Variants in ZNF385D observed in about 807,000 individuals in gnomAD.
ZNF385D encodes the protein zinc finger protein 385D.
ZNF385D carries 15 observed loss-of-function variants against 35.8 expected under a neutral mutation model. The ratio of observed to expected loss-of-function variants is 0.42; its 90% CI spans 0.28 to 0.64. The LOEUF is 0.64. ZNF385D is among the 30% of genes least tolerant of loss of function. The pLI, the probability that ZNF385D is intolerant of heterozygous loss-of-function variation, is 0.23. For synonymous variants in ZNF385D, 212 were observed against 186.8 expected, an observed-to-expected ratio of 1.13 and a Z score of -1.10; for missense variants, 474 against 494.6, an observed-to-expected ratio of 0.96 and a Z score of 0.39.
intron 3 of ZNF385D, among the ~76,000 whole-genome samples, chr3:21,759,265 T>C (rs1050676378): frequency 6.6e-6 from 1 of 152,062 alleles, no homozygotes; most frequent in Non-Finnish European, 1.5e-5. Flanking sequence ...GTCTTTAATA[T>C]TGACCCGGAC....
chr3:22,035,691 G>C (rs193300436), intron 3 of ZNF385D, among the ~76,000 whole-genome samples: 53 of 152,230 alleles, frequency 3.5e-4, no homozygotes, highest in South Asian at 4.1e-4. Flanking sequence ...AAGACCCCTA[G>C]AAAACAAGCA....
chr3:21,859,110 A>G (rs1438466334), intron 3 of ZNF385D, among the ~76,000 whole-genome samples: 3 of 152,226 alleles, frequency 2.0e-5, no homozygotes, highest in Non-Finnish European at 2.9e-5. Context: ...TCTTTCAAGT[A>G]GAAATGCCAT....
chr3:22,198,727 GA>G (rs1474632175), intron 2 of ZNF385D, among the ~76,000 whole-genome samples: 1 of 152,012 alleles, frequency 6.6e-6, no homozygotes, highest in African/African-American at 2.4e-5. Context: ...CATGGTAAGT[GA>G]ACACACATTC....
Position 21,826,623 on chromosome 3 carries a change from C to T in ZNF385D, c.326-161595G>A, listed in dbSNP as rs1453983229. Reference sequence around the variant, plus strand: ...ACAGGAAAAGAAGCAAGGATGTGGTCAGAGACAGCAGCTATTTCACAGAGC... The same window carrying T: ...ACAGGAAAAGAAGCAAGGATGTGGTTAGAGACAGCAGCTATTTCACAGAGC... On this transcript the variant is annotated intron_variant, in intron 3 of 5. Coordinates refer to the ZNF385D transcript ENST00000494108. 2.6e-5 allele frequency among the ~76,000 whole-genome samples: 4 copies of T among 152,150 alleles called. No individual in the cohort carries two copies. In the East Asian group the frequency reaches 7.7e-4, roughly 29 times the overall value.
At chr3:21,552,851 T>G (rs1575161438) in intron 3 of ZNF385D, among the ~76,000 whole-genome samples, 1 of 152,302 alleles carries the variant, frequency 6.6e-6, no homozygotes, top group South Asian at 2.1e-4. Flanking sequence ...GGTTAGCAGA[T>G]AAAAATAAAG....
intron 2 of ZNF385D, among the ~76,000 whole-genome samples, chr3:22,326,856 T>G (rs1694702529): frequency 6.6e-6 from 1 of 152,206 alleles, no homozygotes; most frequent in African/African-American, 2.4e-5. Flanking sequence ...CTATTACTTA[T>G]TCACATTTAT....
intron 3 of ZNF385D, among the ~76,000 whole-genome samples, chr3:22,166,345 T>C (rs1288622696): frequency 6.6e-6 from 1 of 152,178 alleles, no homozygotes; most frequent in Non-Finnish European, 1.5e-5. Flanking sequence ...TATTAAAATT[T>C]TAATTTTTAA....
intron 3 of ZNF385D, among the ~76,000 whole-genome samples, chr3:21,879,213 GT>G (rs1335789776): frequency 6.6e-6 from 1 of 151,924 alleles, no homozygotes; most frequent in Non-Finnish European, 1.5e-5. Context: ...TGTTTGTCAT[GT>G]TCTTTAAGTA....
chr3:22,309,415 T>A (rs1293136982), intron 2 of ZNF385D, among the ~76,000 whole-genome samples: 1 of 152,116 alleles, frequency 6.6e-6, no homozygotes, highest in Non-Finnish European at 1.5e-5. Context: ...TAAGAAGGCA[T>A]GACCTTGTCC....
intron 3 of ZNF385D, among the ~76,000 whole-genome samples, chr3:22,147,901 C>T (rs976643958): frequency 1.3e-5 from 2 of 152,130 alleles, no homozygotes; most frequent in Non-Finnish European, 2.9e-5. Context: ...AACCTGGAAT[C>T]ATGAGCAATC....
chr3:21,703,416 G>C (rs2067770011), intron 1 of ZNF385D, among the ~76,000 whole-genome samples: 1 of 151,902 alleles, frequency 6.6e-6, no homozygotes, highest in South Asian at 2.1e-4. Flanking sequence ...ATTTGGGTGG[G>C]GACACAGCCA....
intron 2 of ZNF385D, among the ~76,000 whole-genome samples, chr3:22,202,982 T>G (rs1018799296): frequency 1.3e-5 from 2 of 152,082 alleles, no homozygotes; most frequent in Non-Finnish European, 2.9e-5. Context: ...TTGTAACTCC[T>G]AGGCAAATCC....
intron 2 of ZNF385D, among the ~76,000 whole-genome samples, chr3:22,367,668 G>A (rs1167566581): frequency 6.6e-6 from 1 of 152,010 alleles, no homozygotes; most frequent in Non-Finnish European, 1.5e-5. Context: ...TGAAAGAAAA[G>A]ATACATTTCA....
intron 4 of ZNF385D, among the ~76,000 whole-genome samples, chr3:21,509,718 T>A (rs1312944306): frequency 6.6e-6 from 1 of 152,068 alleles, no homozygotes; most frequent in Non-Finnish European, 1.5e-5. Flanking sequence ...CATACAAAGA[T>A]GAGACATGTA....
At chr3:21,793,344 C>G (rs1288910324) in intron 3 of ZNF385D, among the ~76,000 whole-genome samples, 1 of 152,110 alleles carries the variant, frequency 6.6e-6, no homozygotes, top group Non-Finnish European at 1.5e-5. Flanking sequence ...ATTTTATAAA[C>G]CAGAAAAGTC....
At chr3:21,914,300 AG>A (rs1186055700) in intron 3 of ZNF385D, among the ~76,000 whole-genome samples, 1 of 151,684 alleles carries the variant, frequency 6.6e-6, no homozygotes, top group East Asian at 1.9e-4. Context: ...ATTGACTTCA[AG>A]TGTTAGTAAG....
At chr3:22,227,943 A>G (rs1698657930) in intron 2 of ZNF385D, among the ~76,000 whole-genome samples, 1 of 152,258 alleles carries the variant, frequency 6.6e-6, no homozygotes, top group Non-Finnish European at 1.5e-5. Flanking sequence ...CACTTCAATA[A>G]AAGTTGCTAA....
chr3:21,988,042 G>A (rs541824404), intron 3 of ZNF385D, among the ~76,000 whole-genome samples: 4 of 143,176 alleles, frequency 2.8e-5, no homozygotes, highest in South Asian at 2.6e-4. Context: ...GCACTTCTCT[G>A]TAGTGGTTAT....
chr3:22,007,925 CTGAATTT>C (rs1392731259), intron 3 of ZNF385D, among the ~76,000 whole-genome samples: 1 of 151,756 alleles, frequency 6.6e-6, no homozygotes, highest in African/African-American at 2.4e-5. Context: ...TTTATCACCT[CTGAATTT>C]TGAATTTTGT....
Sources: allele counts gnomAD v4.1 joint callset (sites outside exome capture counted in the v4.1 genomes callset), GRCh38; gene constraint gnomAD v4.1.1; transcripts MANE v1.5; gene names NCBI Gene and HGNC (gene_info 2026-07-23, HGNC 2026-07-21).